Variants in HEATR4 observed in about 807,000 individuals in gnomAD.
HEATR4 encodes HEAT repeat-containing protein 4.
In HEATR4, 95 loss-of-function variants were observed where a neutral mutation model predicts 108.8. The ratio of observed to expected loss-of-function variants is 0.87; its 90% CI spans 0.74 to 1.04. The LOEUF (loss-of-function observed/expected upper bound fraction) is 1.04. HEATR4 is among the 50% of genes least tolerant of loss of function. The probability of loss-of-function intolerance (pLI) is 0.00; values close to 1 mark genes in which losing one functional copy is unlikely to be tolerated. For missense variants in HEATR4, 1,152 were observed against 1,253.8 expected, an observed-to-expected ratio of 0.92 and a Z score of 1.23; for synonymous variants, 443 against 459.4, an observed-to-expected ratio of 0.96 and a Z score of 0.46.
intron 1 of HEATR4, among the ~76,000 whole-genome samples, chr14:73,556,054 C>T (rs1889388757): frequency 8.7e-6 from 1 of 114,696 alleles, no homozygotes; most frequent in Non-Finnish European, 1.9e-5. Flanking sequence ...GCCCTTTAGC[C>T]TTTGACATAA....
chr14:73,585,697 TTAAAA>T, the HEATR4 span, among the ~76,000 whole-genome samples: 28,633 of 150,106 alleles, frequency 0.19, 4,889 homozygotes, highest in African/African-American at 0.46. Flanking sequence ...CCCAAAAAAA[TTAAAA>T]TAAAAAAGTA....
chr14:73,505,375 C>A (rs1405898671), intron 10 of HEATR4, among the ~76,000 whole-genome samples: 1 of 151,702 alleles, frequency 6.6e-6, no homozygotes, highest in African/African-American at 2.4e-5. Context: ...AAAGTTGGGA[C>A]AATGGTTTTT....
chr14:73,558,796 C>T lies in HEATR4; in HGVS notation c.-197G>A, dbSNP rs1377778012. 2 of 150,942 alleles carry T rather than the reference C, an allele frequency of 1.3e-5. No individual in the cohort carries two copies. The highest frequency in any genetic ancestry group is 3.0e-5 in the Non-Finnish European group (2 of 67,760). 9.4% of individuals were successfully genotyped at this position (150,942 alleles called of 1,614,324 possible). On this transcript the variant is annotated 5_prime_UTR_variant, in exon 1 of 18. Coordinates refer to ENST00000553558, the MANE Select transcript of HEATR4 (RefSeq NM_001220484.1). The stretch of plus-strand genomic sequence containing the variant: ...AGTTTTTTCAGCTACCTCAGGTTGC[C>T]CCTCATCTTCCAGCTGACACCATCC...
intron 5 of HEATR4, among the ~76,000 whole-genome samples, chr14:73,517,843 C>T (rs2140291141): frequency 6.6e-6 from 1 of 152,132 alleles, no homozygotes; most frequent in Middle Eastern, 3.4e-3. Context: ...AATCCCAGCA[C>T]TTTGGGAGGC....
intron 3 of HEATR4, among the ~76,000 whole-genome samples, chr14:73,521,344 T>C (rs575234248): frequency 6.6e-6 from 1 of 152,230 alleles, no homozygotes; most frequent in South Asian, 2.1e-4. Flanking sequence ...ATTCGTACTC[T>C]TAGAGGCGGC....
At chr14:73,490,654 C>T (rs1176182019) in intron 17 of HEATR4, among the ~76,000 whole-genome samples, 1 of 152,144 alleles carries the variant, frequency 6.6e-6, no homozygotes, top group East Asian at 1.9e-4. Flanking sequence ...GGGGTTTCAC[C>T]ATACTGGTCA....
chr14:73,524,925 C>T (rs1349591839), intron 2 of HEATR4, among the ~76,000 whole-genome samples: 1 of 152,144 alleles, frequency 6.6e-6, no homozygotes, highest in Non-Finnish European at 1.5e-5. Context: ...CACATAGCCT[C>T]TCTCCCTAGG....
the HEATR4 span, chr14:73,582,306 G>A: frequency 2.0e-5 from 3 of 151,036 alleles, no homozygotes; most frequent in African/African-American, 7.4e-5. Flanking sequence ...CAAGGTCATA[G>A]TTCCCCTTCA....
At chr14:73,518,164 T>A (rs1887742677) in intron 5 of HEATR4, among the ~76,000 whole-genome samples, 1 of 152,142 alleles carries the variant, frequency 6.6e-6, no homozygotes, top group Non-Finnish European at 1.5e-5. Context: ...AGGCACAGAA[T>A]GTGCCTGTGC....
At chr14:73,609,173 C>T in the HEATR4 span, among the ~76,000 whole-genome samples, 1 of 152,234 alleles carries the variant, frequency 6.6e-6, no homozygotes, top group Non-Finnish European at 1.5e-5. Flanking sequence ...GCTCATGTCA[C>T]TATGCCATCA....
intron 14 of HEATR4, 81 bp downstream of exon 14, chr14:73,498,074 A>T: frequency 7.6e-7 from 1 of 1,323,468 alleles, no homozygotes; most frequent in Non-Finnish European, 1.0e-6. Flanking sequence ...TAGCCTGGAA[A>T]GGCAGGGACA....
At chr14:73,595,189 T>C in the HEATR4 span, 1 of 1,614,202 alleles carries the variant, frequency 6.2e-7, no homozygotes, top group Non-Finnish European at 8.5e-7. Context: ...CCATCAACTA[T>C]AAGCACAGTA....
At chr14:73,577,644 C>T in the HEATR4 span, among the ~76,000 whole-genome samples, 1 of 151,780 alleles carries the variant, frequency 6.6e-6, no homozygotes, top group African/African-American at 2.4e-5. Flanking sequence ...AAACTTGAGT[C>T]TGCTGAAGCC....
At chr14:73,495,191 G>A in intron 16 of HEATR4, 37 bp downstream of exon 16, 1 of 1,580,928 alleles carries the variant, frequency 6.3e-7, no homozygotes, top group Non-Finnish European at 8.6e-7. Flanking sequence ...GCTTATTAAA[G>A]GAATCAAGGC....
chr14:73,509,113 C>T (rs1341369471), intron 8 of HEATR4, among the ~76,000 whole-genome samples, 199 bp downstream of exon 8: 1 of 152,070 alleles, frequency 6.6e-6, no homozygotes, highest in African/African-American at 2.4e-5. Flanking sequence ...GTGATCCTGT[C>T]GCCTTGGCCT....
the HEATR4 span, among the ~76,000 whole-genome samples, chr14:73,603,736 CTT>C: frequency 6.7e-6 from 1 of 148,380 alleles, no homozygotes; most frequent in South Asian, 2.1e-4. Flanking sequence ...TTTTTCTTTT[CTT>C]TTCTTTTTTT....
chr14:73,568,294 G>A, the HEATR4 span, among the ~76,000 whole-genome samples: 1 of 151,880 alleles, frequency 6.6e-6, no homozygotes. Context: ...TAATTACACA[G>A]GTAGGAAATT....
the HEATR4 span, among the ~76,000 whole-genome samples, chr14:73,604,629 G>A: frequency 1.3e-4 from 20 of 152,222 alleles, 2 homozygotes; most frequent in South Asian, 4.1e-3. Flanking sequence ...GGGACTACAG[G>A]CATGCGCCAC....
chr14:73,553,294 C>T lies in HEATR4; in HGVS notation c.-152+5457G>A, dbSNP rs1355516940. 5.3e-5 allele frequency among the ~76,000 whole-genome samples: 6 copies of T among 114,064 alleles called. 2 individuals are homozygous for T. The highest frequency in any genetic ancestry group is 1.7e-4 in the African/African-American group (6 of 35,290). 74.8% of individuals were successfully genotyped at this position (114,064 alleles called of 152,430 possible). On this transcript the variant is annotated intron_variant, in intron 1 of 17. Transcript: ENST00000553558. ...GGCTGAGGTGGGCGGATTACCTGGG[C>T]TCAGGAGTTCAAGACCAGCCTGGGC... is the stretch of plus-strand genomic sequence containing the variant.
Sources: gnomAD v4.1 joint callset for allele counts (sites outside exome capture counted in the v4.1 genomes callset) on GRCh38, gnomAD v4.1.1 for gene constraint, MANE v1.5 for transcripts, NCBI Gene and HGNC (gene_info 2026-07-23, HGNC 2026-07-21) for gene names.